The following ANKRD13D variants were observed in gnomAD, a reference collection of about 807,000 sequenced individuals.
ANKRD13D encodes the protein ankyrin repeat domain-containing protein 13D.
In ANKRD13D, 24 loss-of-function variants were observed where a neutral mutation model predicts 68.8. That is an observed-to-expected ratio of 0.35 (90% CI 0.25 to 0.49). The LOEUF is 0.49. Ranked by LOEUF, ANKRD13D falls within the 20% of genes least tolerant of loss-of-function variation. The pLI, the probability that ANKRD13D is intolerant of heterozygous loss-of-function variation, is 0.99. For missense variants in ANKRD13D, 735 were observed against 832.1 expected (o/e 0.88, Z 1.44); for synonymous variants, 331 against 336.1 (o/e 0.98, Z 0.16).
Position 67,300,669 on chromosome 11 carries a change from T to C in ANKRD13D, c.1074-321T>C, listed in dbSNP as rs1313120478. 1 of 505,276 alleles carries C rather than the reference T, an allele frequency of 2.0e-6. No homozygotes were observed. Among genetic ancestry groups the C allele is most frequent in the Non-Finnish European group, 3.5e-6 (1 of 287,102 alleles). 31.3% of individuals were successfully genotyped at this position (505,276 alleles called of 1,614,324 possible). A position where few individuals can be genotyped will look rare whatever the true frequency, so the allele number is the denominator to read the frequency against. ...GGCAACACGTGAGCTGGTGACCAGC[T>C]CTGGGCTGAGGAGGAAAACGGGGCT... is the stretch of plus-strand genomic sequence containing the variant. On this transcript the variant is annotated intron_variant, in intron 10 of 14. Transcript: ENST00000511455. This position sits in a 1 kb window ranked among gnomAD's most constrained non-coding sequence, Gnocchi z 4.3.
chr11:67,290,766 C>T (rs1860501906), intron 3 of ANKRD13D: 1 of 296,716 alleles, frequency 3.4e-6, no homozygotes, highest in Non-Finnish European at 6.5e-6. Flanking sequence ...TGCTACTACG[C>T]ACCCTTCTGG....
At chr11:67,302,082 AC>A in intron 14 of ANKRD13D, 36 bp from the exon 15 acceptor site, 1 of 1,503,448 alleles carries the variant, frequency 6.7e-7, no homozygotes, top group Non-Finnish European at 8.9e-7. Flanking sequence ...CTTGGCGCTC[AC>A]TGGCCTGTTC....
Position 67,292,028 on chromosome 11 carries a change from G to T in ANKRD13D, c.579G>T (p.Arg193=), listed in dbSNP as rs35965170. The T allele has an allele frequency of 0.029, 45,435 of 1,592,982 alleles. 800 individuals carry two copies. Among genetic ancestry groups the T allele is most frequent in the Non-Finnish European group, 0.033 (38,201 of 1,164,896 alleles). The change falls in exon 6 of 15, where the codon CGG becomes CGT. Residue 193 remains arginine (R), a synonymous_variant. Coordinates refer to ENST00000511455, the MANE Select transcript of ANKRD13D (RefSeq NM_207354.3). The part of the protein sequence containing the change: ...GALVMEVDHD[R]QVVHVETLGL... ...TGGTGATGGAAGTGGACCATGACCG[G>T]CAGGTGGTGCATGTGGAGACACTGG...
At chr11:67,294,930 C>T (rs1257130669) in intron 6 of ANKRD13D, among the ~76,000 whole-genome samples, 1 of 152,146 alleles carries the variant, frequency 6.6e-6, no homozygotes, top group Non-Finnish European at 1.5e-5. Flanking sequence ...GACCATGTAT[C>T]CTGCAACATT....
Position 67,289,512 on chromosome 11 carries a change from C to T in ANKRD13D, c.52C>T (p.Arg18Trp), listed in dbSNP as rs1039402945. The change falls in exon 1 of 15, where the codon CGG becomes TGG. Residue 18 changes from arginine to tryptophan, a missense_variant. Physicochemically the swap from Arg to Trp is moderately radical, Grantham distance 101 (BLOSUM62 -3). Coordinates refer to ENST00000511455, the MANE Select transcript of ANKRD13D (RefSeq NM_207354.3). ...FPLHRLVWANRHRELEAALHS... is the reference protein window; with the variant it reads ...FPLHRLVWANWHRELEAALHS... The stretch of plus-strand genomic sequence containing the variant: ...GCTGCACCGGCTCGTCTGGGCGAAC[C>T]GGCATCGCGAACTGGAGGCCGCACT... The T allele has an allele frequency of 3.3e-6, 5 of 1,522,412 alleles. No homozygotes were observed. The African/African-American group carries it at 4.2e-5, about 13-fold the overall frequency. The allele number at this position is 1,522,412 out of a possible 1,614,324, so 94.3% of individuals were successfully genotyped here.
rs1283142453 is a variant in ANKRD13D, at chr11:67,301,003, C to G, written c.1087C>G (p.Leu363Val). The G allele has an allele frequency of 6.2e-7, 1 of 1,613,884 alleles. No individual in the cohort carries two copies. The highest frequency in any genetic ancestry group is 1.1e-5 in the South Asian group (1 of 91,088). The change falls in exon 11 of 15, where the codon CTG (leucine) becomes GTG (valine). Residue 363 changes from leucine (L) to valine (V), a missense_variant. By Grantham distance (32) the Leu-to-Val change is conservative (BLOSUM62 1). Coordinates refer to ENST00000511455, the MANE Select transcript of ANKRD13D (RefSeq NM_207354.3). The surrounding 1 kb of genome is among the most constrained non-coding windows in gnomAD (Gnocchi z 4.5). ...TCGGCTGGGCAGGTTCAAGGCAACA[C>G]TGTGGCTGAGTGAAGAGCACCCGCT... The part of the protein sequence containing the change: ...SSKVQRFKAT[L>V]WLSEEHPLSL...
rs762045994 is a variant in ANKRD13D, at chr11:67,290,461, A to G, written c.351+15A>G. ...AACTTCGCCAGGTACAGCAGGGCAC[A>G]GTTATGGAGGTGGGGTACCATGGCA... is the stretch of plus-strand genomic sequence containing the variant. On this transcript the variant is annotated intron_variant, in intron 3 of 14. Transcript: ENST00000511455. The G allele has an allele frequency of 3.8e-6, 6 of 1,563,432 alleles. No individual in the cohort carries two copies. The Admixed American group carries it at 1.1e-4, about 30-fold the overall frequency.
At position 67,302,262 on chromosome 11, in the gene ANKRD13D, G is replaced by T; in HGVS notation, c.1748G>T (p.Arg583Leu). The T allele has an allele frequency of 6.4e-7, 1 of 1,571,342 alleles. No individual in the cohort carries two copies. The change falls in exon 15 of 15, where the codon CGG becomes CTG. Residue 583 changes from arginine (R) to leucine (L), a missense_variant. Physicochemically the swap from Arg to Leu is moderately radical, Grantham distance 102 (BLOSUM62 -2). Transcript: ENST00000511455. ...TTGTCTTCACGGGAGCAGGAGGAGCGGGAGCGGCGCGGGCAGCAGGAGGAG... is the reference window on the plus strand; with the variant it reads ...TTGTCTTCACGGGAGCAGGAGGAGCTGGAGCGGCGCGGGCAGCAGGAGGAG... ...LELSSREQEERERRGQQEEED... is the reference protein window; with the variant it reads ...LELSSREQEELERRGQQEEED...
chr11:67,301,331 G>A lies in ANKRD13D; in HGVS notation c.1281G>A (p.Leu427=). 1.9e-6 allele frequency: 3 copies of A among 1,613,826 alleles called. No homozygotes were observed. Among genetic ancestry groups the A allele is most frequent in the Non-Finnish European group, 2.5e-6 (3 of 1,179,914 alleles). ...ATGCCCGCATCACCTTCAGCAACCT[G>A]TGTGGCTGTGATGAGCCCCTGAGCT... ...VLNARITFSN[L]CGCDEPLSSV... The change falls in exon 12 of 15, where the codon CTG becomes CTA. Residue 427 remains leucine, a synonymous_variant. Transcript: ENST00000511455. This position sits in a 1 kb window ranked among gnomAD's most constrained non-coding sequence, Gnocchi z 4.5.
chr11:67,301,369 C>A lies in ANKRD13D; in HGVS notation c.1319C>A (p.Pro440Gln). 6.2e-7 allele frequency: 1 copy of A among 1,613,176 alleles called. No individual in the cohort carries two copies. The highest frequency in any genetic ancestry group is 1.3e-5 in the African/African-American group (1 of 75,042). Residue 440 changes from proline (P) to glutamine (Q), a missense_variant, in exon 12 of 15, where the codon CCG (proline) becomes CAG (glutamine). Physicochemically the swap from Pro to Gln is moderately conservative, Grantham distance 76. Coordinates refer to ENST00000511455, the MANE Select transcript of ANKRD13D (RefSeq NM_207354.3). The surrounding 1 kb of genome is among the most constrained non-coding windows in gnomAD (Gnocchi z 4.5). ...CDEPLSSVWVPAPSSAVAASG... is the reference protein window; with the variant it reads ...CDEPLSSVWVQAPSSAVAASG... Reference sequence around the variant, plus strand: ...GAGCCCCTGAGCTCCGTGTGGGTGCCGGCCCCCAGCTCTGCTGTTGCCGCA... The same window carrying A: ...GAGCCCCTGAGCTCCGTGTGGGTGCAGGCCCCCAGCTCTGCTGTTGCCGCA...
In ANKRD13D at chr11:67,300,548, C is replaced by T. The variant is rs183831436; in HGVS notation, c.1073+425C>T. On this transcript the variant is annotated intron_variant, in intron 10 of 14. Transcript: ENST00000511455. This position sits in a 1 kb window ranked among gnomAD's most constrained non-coding sequence, Gnocchi z 4.3. ...AGTGCCTGCACAAGCCTAGCGCTCT[C>T]CCCACCATCTCAGGAGGATTCTCTT... 6.4e-5 allele frequency: 22 copies of T among 342,264 alleles called. No homozygotes were observed. The South Asian group carries it at 1.3e-3, about 20-fold the overall frequency. 21.2% of individuals were successfully genotyped at this position (342,264 alleles called of 1,614,324 possible). A position where few individuals can be genotyped will look rare whatever the true frequency, so the allele number is the denominator to read the frequency against.
In ANKRD13D at chr11:67,290,610, AGAGAGACGGCCAGGCTCACGTGG is replaced by A. The variant is rs1860494807; in HGVS notation, c.351+172_351+194del. On this transcript the variant is annotated intron_variant, in intron 3 of 14. Transcript: ENST00000511455. ...ACCCCAGCCCAGGGTCACGTAGGAA[AGAGAGACGGCCAGGCTCACGTGG>A]GAGAGACTGGACCCTTTGGAAGAGA... 4 of 1,147,132 alleles carry A rather than the reference AGAGAGACGGCCAGGCTCACGTGG, an allele frequency of 3.5e-6. No individual in the cohort carries two copies. In the South Asian group the frequency reaches 6.7e-5, roughly 19 times the overall value. 71.1% of individuals were successfully genotyped at this position (1,147,132 alleles called of 1,614,324 possible). A position where few individuals can be genotyped will look rare whatever the true frequency, so the allele number is the denominator to read the frequency against.
intron 6 of ANKRD13D, among the ~76,000 whole-genome samples, chr11:67,292,876 C>T (rs1590866402): frequency 6.6e-6 from 1 of 152,176 alleles, no homozygotes; most frequent in South Asian, 2.1e-4. Context: ...GTAGAATTCC[C>T]TGCTCTGAGT....
rs1860968781 is a variant in ANKRD13D, at chr11:67,301,136, C to T, written c.1220C>T (p.Pro407Leu). The T allele has an allele frequency of 6.2e-7, 1 of 1,613,764 alleles. No individual in the cohort carries two copies. The highest frequency in any genetic ancestry group is 8.5e-7 in the Non-Finnish European group (1 of 1,179,814). The stretch of plus-strand genomic sequence containing the variant: ...ACTCTGCGCCTTCCACCTGGCTTCC[C>T]CGTCAAAATTGGTGAGAGGCTGGGC... The part of the protein sequence containing the change: ...FITLRLPPGF[P>L]VKIEIPLFHV... The change falls in exon 11 of 15, where the codon CCC becomes CTC. Residue 407 changes from proline to leucine, a missense_variant. Transcript: ENST00000511455. This position sits in a 1 kb window ranked among gnomAD's most constrained non-coding sequence, Gnocchi z 4.5.
At chr11:67,298,895 C>T (rs1860864106) in intron 6 of ANKRD13D, 163 bp from the exon 7 acceptor site, 4 of 692,612 alleles carry the variant, frequency 5.8e-6, no homozygotes, top group African/African-American at 3.5e-5. Context: ...GTGTCCCCCC[C>T]TGTCCAGGCA....
chr11:67,291,351 C>CAAAA (rs369072835), intron 3 of ANKRD13D, 125 bp from the exon 4 acceptor site: 54 of 500,634 alleles, frequency 1.1e-4, no homozygotes, highest in South Asian at 3.2e-4. Flanking sequence ...GAGCAAGTCT[C>CAAAA]AAAAAAAAAA....
chr11:67,295,479 C>A (rs1224733685), intron 6 of ANKRD13D, among the ~76,000 whole-genome samples: 1 of 151,482 alleles, frequency 6.6e-6, no homozygotes, highest in African/African-American at 2.4e-5. Flanking sequence ...AATCCCAGAA[C>A]TTTGGGAGGC....
At chr11:67,295,651 G>A (rs1425371451) in intron 6 of ANKRD13D, among the ~76,000 whole-genome samples, 1 of 152,030 alleles carries the variant, frequency 6.6e-6, no homozygotes, top group Non-Finnish European at 1.5e-5. Context: ...CACAAGAATT[G>A]CTTGAACACA....
In ANKRD13D at chr11:67,301,518, C is replaced by T; in HGVS notation, c.1379C>T (p.Thr460Ile). The T allele has an allele frequency of 6.2e-7, 1 of 1,613,102 alleles. No homozygotes were observed. Residue 460 changes from threonine (T) to isoleucine (I), a missense_variant, in exon 13 of 15, where the codon ACC becomes ATC. Thr to Ile is a moderately conservative substitution (Grantham distance 89). Coordinates refer to ENST00000511455, the MANE Select transcript of ANKRD13D (RefSeq NM_207354.3). The surrounding 1 kb of genome is among the most constrained non-coding windows in gnomAD (Gnocchi z 4.5). ...GNPFPCEVDP[T>I]VFEVPNGYSV... ...CCTTTCCCGTGCGAGGTGGACCCCA[C>T]CGTGTTTGAAGTGCCCAACGGGTAC...
Sources: allele counts gnomAD v4.1 joint callset (sites outside exome capture counted in the v4.1 genomes callset), GRCh38; gene constraint gnomAD v4.1.1; non-coding constraint Gnocchi (gnomAD v3.1); transcripts MANE v1.5; gene names NCBI Gene and HGNC (gene_info 2026-07-23, HGNC 2026-07-21).